Variants in GALNT2 observed in about 807,000 individuals in gnomAD.
GALNT2 encodes the protein polypeptide N-acetylgalactosaminyltransferase 2, also known as UDP-GalNAc:polypeptide N-acetylgalactosaminyltransferase 2.
Under a neutral mutation model 81.4 loss-of-function variants are expected in GALNT2, and 31 were observed. That is an observed-to-expected ratio of 0.38 (90% CI 0.29 to 0.51). The LOEUF is 0.51. Among genes scored for constraint, GALNT2 ranks in the 20% least tolerant of loss-of-function variants. The probability of loss-of-function intolerance (pLI) is 0.87; values close to 1 mark genes in which losing one functional copy is unlikely to be tolerated. For synonymous variants in GALNT2, 303 were observed against 287.4 expected (o/e 1.05, Z -0.55); for missense variants, 629 against 765.7 (o/e 0.82, Z 2.11).
At chr1:230,075,777 G>A (rs908639080) in intron 1 of GALNT2, among the ~76,000 whole-genome samples, 15 of 152,122 alleles carry the variant, frequency 9.9e-5, no homozygotes, top group African/African-American at 3.4e-4. Flanking sequence ...AGCAGTGTAT[G>A]GGGATTAGGG....
Position 230,110,252 on chromosome 1 carries a change from T to C in GALNT2, c.126+42846T>C, listed in dbSNP as rs531737147. Among the ~76,000 whole-genome samples, 13 of 152,362 alleles carry C rather than the reference T, an allele frequency of 8.5e-5. No individual in the cohort carries two copies. In the East Asian group the frequency reaches 2.5e-3, roughly 29 times the overall value. ...ACTCATTCCCTCCCCTCCTCACCTG[T>C]GTTTTTCCTGTGTGTCAGGGACATT... On this transcript the variant is annotated intron_variant, in intron 1 of 15. Transcript: ENST00000366672.
intron 1 of GALNT2, among the ~76,000 whole-genome samples, chr1:230,073,836 G>A (rs1160957491): frequency 1.3e-5 from 2 of 152,166 alleles, no homozygotes; most frequent in Non-Finnish European, 2.9e-5. Context: ...TGTCCCTTCT[G>A]CCGCAGCCTT....
chr1:230,237,651 A>G (rs1246430031), intron 6 of GALNT2, among the ~76,000 whole-genome samples: 3 of 152,190 alleles, frequency 2.0e-5, no homozygotes, highest in Non-Finnish European at 4.4e-5. Flanking sequence ...CAACCTAGAC[A>G]TTCAAGATAC....
chr1:230,136,628 G>A (rs192644459), intron 1 of GALNT2, among the ~76,000 whole-genome samples: 3 of 152,236 alleles, frequency 2.0e-5, no homozygotes, highest in African/African-American at 7.2e-5. Context: ...GCTCTGCTCT[G>A]CCGCGCCCCT....
At chr1:230,196,759 C>T (rs1663709068) in intron 2 of GALNT2, among the ~76,000 whole-genome samples, 1 of 152,078 alleles carries the variant, frequency 6.6e-6, no homozygotes. Context: ...TGAGTGGGAG[C>T]CCCCAGAGGC....
chr1:230,065,678 T>C (rs1213551985), upstream of GALNT2, among the ~76,000 whole-genome samples: 2 of 152,244 alleles, frequency 1.3e-5, no homozygotes, highest in African/African-American at 4.8e-5. Flanking sequence ...TGTTTTCTTT[T>C]ATCTGTGTAC....
At chr1:230,175,590 G>C (rs1291408907) in intron 1 of GALNT2, among the ~76,000 whole-genome samples, 6 of 37,162 alleles carry the variant, frequency 1.6e-4, no homozygotes, top group East Asian at 1.5e-3. Flanking sequence ...TCCCCTCCTC[G>C]TCCCCTCCTC....
intron 8 of GALNT2, among the ~76,000 whole-genome samples, chr1:230,247,163 T>C (rs906033416): frequency 8.0e-5 from 12 of 150,334 alleles, no homozygotes; most frequent in African/African-American, 2.7e-4. Context: ...GCCTGGGAGG[T>C]CAAGGCTGCA....
intron 1 of GALNT2, among the ~76,000 whole-genome samples, chr1:230,154,359 G>C (rs1352945201): frequency 6.6e-6 from 1 of 152,182 alleles, no homozygotes; most frequent in Admixed American, 6.5e-5. Context: ...GTACAGAGCT[G>C]ATGCCGTTGG....
chr1:230,088,536 GT>G (rs769354458), intron 1 of GALNT2, among the ~76,000 whole-genome samples: 114 of 141,572 alleles, frequency 8.1e-4, no homozygotes, highest in Non-Finnish European at 8.8e-4. Flanking sequence ...CTTCTGTCTA[GT>G]TTTTTTTTTT....
intron 6 of GALNT2, among the ~76,000 whole-genome samples, chr1:230,238,850 C>G (rs1439392189): frequency 5.3e-5 from 8 of 151,988 alleles, no homozygotes; most frequent in Admixed American, 3.3e-4. Flanking sequence ...GGTTTACTAG[C>G]CTTATAAAAC....
At chr1:230,220,608 T>G (rs1664517532) in intron 3 of GALNT2, among the ~76,000 whole-genome samples, 1 of 152,144 alleles carries the variant, frequency 6.6e-6, no homozygotes. Flanking sequence ...TAGATCTCTC[T>G]CGGTAGCTGC....
intron 1 of GALNT2, among the ~76,000 whole-genome samples, chr1:230,075,504 C>G (rs1207794668): frequency 6.6e-6 from 1 of 152,222 alleles, no homozygotes; most frequent in African/African-American, 2.4e-5. Context: ...AGGCCGCAAT[C>G]CTCAGCTGCC....
intron 3 of GALNT2, among the ~76,000 whole-genome samples, chr1:230,211,190 C>T (rs1382748054): frequency 6.6e-6 from 1 of 152,194 alleles, no homozygotes; most frequent in Admixed American, 6.5e-5. Flanking sequence ...GGAACCGCTG[C>T]TCCATGGTAG....
chr1:230,232,446 A>G (rs558453009), intron 3 of GALNT2, among the ~76,000 whole-genome samples: 24 of 152,194 alleles, frequency 1.6e-4, no homozygotes, highest in Non-Finnish European at 3.2e-4. Flanking sequence ...TCCTGCAGAG[A>G]AAAGGAAACC....
intron 2 of GALNT2, among the ~76,000 whole-genome samples, chr1:230,190,341 C>G (rs1663480817): frequency 6.6e-6 from 1 of 152,232 alleles, no homozygotes; most frequent in African/African-American, 2.4e-5. Context: ...AAGGGGTCTC[C>G]TCTGCATGGG....
rs182313511 is a variant in GALNT2, at chr1:230,166,328, G to A, written c.127-11890G>A. On this transcript the variant is annotated intron_variant, in intron 1 of 15. Coordinates refer to ENST00000366672, the MANE Select transcript of GALNT2 (RefSeq NM_004481.5). ...GGAACTTTTTCAGGCACTCCTCCCC[G>A]CAGCGTCACTCATGAGTTTCTTTTT... is the stretch of plus-strand genomic sequence containing the variant. Among the ~76,000 whole-genome samples the A allele has an allele frequency of 1.5e-3, 236 of 152,282 alleles. 2 individuals carry two copies. The highest frequency in any genetic ancestry group is 6.8e-3 in the Middle Eastern group (2 of 294).
intron 1 of GALNT2, among the ~76,000 whole-genome samples, chr1:230,076,019 C>G (rs55693299): frequency 0.12 from 17,594 of 152,166 alleles, 1,321 homozygotes; most frequent in East Asian, 0.27. Context: ...CTTTGGTTGG[C>G]TAGTGGTGGA....
chr1:230,183,608 A>G (rs1663226477), intron 2 of GALNT2, among the ~76,000 whole-genome samples: 1 of 152,256 alleles, frequency 6.6e-6, no homozygotes, highest in Non-Finnish European at 1.5e-5. Flanking sequence ...TATATAATAT[A>G]TAAAAGAATA....
Sources: gnomAD v4.1 joint callset for allele counts (sites outside exome capture counted in the v4.1 genomes callset) on GRCh38, gnomAD v4.1.1 for gene constraint, MANE v1.5 for transcripts, NCBI Gene and HGNC (gene_info 2026-07-23, HGNC 2026-07-21) for gene names.